TMPRSS3: variants seen among roughly 807,000 people sequenced by gnomAD.
TMPRSS3 encodes the protein transmembrane protease serine 3.
In TMPRSS3, 55 loss-of-function variants were observed where a neutral mutation model predicts 59.6. The ratio of observed to expected loss-of-function variants is 0.92; its 90% confidence interval spans 0.74 to 1.16. The LOEUF (loss-of-function observed/expected upper bound fraction) is 1.16, where lower values mean the gene tolerates loss of function less well. Ranked by LOEUF, TMPRSS3 falls within the 50% of genes most tolerant of loss-of-function variation. The pLI is 0.00. For synonymous variants in TMPRSS3, 257 were observed against 237.7 expected, an observed-to-expected ratio of 1.08 and a Z score of -0.75; for missense variants, 596 against 579.4, an observed-to-expected ratio of 1.03 and a Z score of -0.29.
chr21:42,389,266 C>A, intron 3 of TMPRSS3: 1 of 844,864 alleles, frequency 1.2e-6, no homozygotes, highest in Non-Finnish European at 1.8e-6. Flanking sequence ...TGTGGCCTGG[C>A]CCAGGAACCA....
intron 10 of TMPRSS3, among the ~76,000 whole-genome samples, chr21:42,379,428 G>A (rs1343636917): frequency 6.6e-6 from 1 of 152,170 alleles, no homozygotes; most frequent in African/African-American, 2.4e-5. Context: ...CTCCCAAAAT[G>A]CTGGGACTAC....
intron 12 of TMPRSS3, among the ~76,000 whole-genome samples, chr21:42,373,424 C>T (rs938805136): frequency 1.1e-4 from 17 of 152,294 alleles, no homozygotes; most frequent in Admixed American, 4.6e-4. Flanking sequence ...CAGGCATCGC[C>T]GGAGCCAGCG....
At chr21:42,395,771 T>C (rs113845276) in intron 1 of TMPRSS3, 171 bp downstream of exon 1, 339 of 394,854 alleles carry the variant, frequency 8.6e-4, no homozygotes, top group African/African-American at 6.4e-3. Context: ...TTAGAGGGAC[T>C]CCCTCTCACC....
intron 6 of TMPRSS3, among the ~76,000 whole-genome samples, 160 bp from the exon 7 acceptor site, chr21:42,384,173 A>G (rs547247677): frequency 6.8e-6 from 1 of 146,014 alleles, no homozygotes; most frequent in South Asian, 2.2e-4. Flanking sequence ...AAAAAAAACC[A>G]TGAGGATGAG....
In TMPRSS3 at chr21:42,378,497, T is replaced by C. The variant is rs565731627; in HGVS notation, c.1048+1620A>G. 3.6e-3 allele frequency among the ~76,000 whole-genome samples: 541 copies of C among 152,264 alleles called. 4 individuals carry two copies. The highest frequency in any genetic ancestry group is 0.012 in the African/African-American group (515 of 41,534). ...CCCTAAATCCAACGACTTGCTGTCC[T>C]TATAAGACACAGGAGAGGGAAGTTT... On this transcript the variant is annotated intron_variant, in intron 10 of 12. Transcript: ENST00000644384.
At chr21:42,394,591 C>T (rs1010531398) in intron 2 of TMPRSS3, among the ~76,000 whole-genome samples, 2 of 152,152 alleles carry the variant, frequency 1.3e-5, no homozygotes, top group African/African-American at 4.8e-5. Context: ...CCTTTCCAAA[C>T]CTCCTCCAAG....
At chr21:42,383,542 C>G (rs1246438218) in intron 7 of TMPRSS3, 2 of 513,370 alleles carry the variant, frequency 3.9e-6, no homozygotes, top group South Asian at 2.0e-5. Context: ...GCAGCCCCCT[C>G]CTCACTGCCG....
chr21:42,387,917 C>T (rs1358373560), intron 5 of TMPRSS3, among the ~76,000 whole-genome samples: 1 of 152,234 alleles, frequency 6.6e-6, no homozygotes, highest in East Asian at 1.9e-4. Context: ...CTTTGTTCTA[C>T]ATGTTGCTAA....
At chr21:42,393,594 G>A (rs1459973621) in intron 2 of TMPRSS3, among the ~76,000 whole-genome samples, 2 of 152,180 alleles carry the variant, frequency 1.3e-5, no homozygotes, top group Non-Finnish European at 2.9e-5. Context: ...AAAAGAACGG[G>A]TGAAATAACA....
intron 6 of TMPRSS3, among the ~76,000 whole-genome samples, chr21:42,384,758 T>A (rs1006596069): frequency 1.3e-5 from 2 of 152,124 alleles, no homozygotes; most frequent in Non-Finnish European, 2.9e-5. Context: ...AAAATGCACA[T>A]CTTAGGGTTT....
chr21:42,394,110 A>G (rs1413415839), intron 2 of TMPRSS3, among the ~76,000 whole-genome samples: 2 of 152,180 alleles, frequency 1.3e-5, no homozygotes, highest in African/African-American at 4.8e-5. Flanking sequence ...TATTTTCTAA[A>G]TTGTTCTTCT....
intron 2 of TMPRSS3, among the ~76,000 whole-genome samples, chr21:42,394,759 T>G (rs1300403949): frequency 2.0e-5 from 3 of 152,098 alleles, no homozygotes; most frequent in African/African-American, 7.2e-5. Flanking sequence ...ACCCCACAGC[T>G]CCCTTTGACC....
chr21:42,395,669 C>CAAAA (rs138713556), intron 1 of TMPRSS3: 284 of 243,270 alleles, frequency 1.2e-3, no homozygotes, highest in South Asian at 1.7e-3. Flanking sequence ...CTAGAATTAG[C>CAAAA]AAAAAAAAAA....
intron 1 of TMPRSS3, 162 bp from the exon 2 acceptor site, chr21:42,395,630 C>A: frequency 2.0e-6 from 1 of 489,710 alleles, no homozygotes; most frequent in Non-Finnish European, 3.8e-6. Context: ...GCATTTTCGT[C>A]TGAGCTACAG....
At chr21:42,394,547 T>C (rs1160142057) in intron 2 of TMPRSS3, among the ~76,000 whole-genome samples, 2 of 152,192 alleles carry the variant, frequency 1.3e-5, no homozygotes, top group East Asian at 1.9e-4. Flanking sequence ...GTGTGTCTTT[T>C]CAGTTACTTG....
intron 10 of TMPRSS3, among the ~76,000 whole-genome samples, chr21:42,378,489 T>G (rs1207523855): frequency 6.6e-6 from 1 of 152,128 alleles, no homozygotes; most frequent in Non-Finnish European, 1.5e-5. Flanking sequence ...TCCAACGACT[T>G]GCTGTCCTTA....
intron 8 of TMPRSS3, chr21:42,382,595 T>C (rs1041238365): frequency 2.6e-6 from 1 of 390,650 alleles, no homozygotes; most frequent in Non-Finnish European, 4.8e-6. Flanking sequence ...GGAAGTCTTT[T>C]CTGTAGTTTT....
chr21:42,386,377 G>A lies in TMPRSS3; in HGVS notation c.447-843C>T, dbSNP rs116023677. On this transcript the variant is annotated intron_variant, in intron 5 of 12. Transcript: ENST00000644384. Reference sequence around the variant, plus strand: ...TTGAGGAAAATGTAATCAAGGCGGCGGGCACGACCTTCGCAGCCCTTCCAG... The same window carrying A: ...TTGAGGAAAATGTAATCAAGGCGGCAGGCACGACCTTCGCAGCCCTTCCAG... 6.1e-3 allele frequency among the ~76,000 whole-genome samples: 934 copies of A among 152,304 alleles called. 7 individuals are homozygous for A. Among genetic ancestry groups the A allele is most frequent in the African/African-American group, 0.02 (850 of 41,560 alleles).
At position 42,388,532 on chromosome 21, in the gene TMPRSS3, C is replaced by T. The variant is rs374793617; in HGVS notation, c.323-6G>A. On this transcript the variant is annotated splice_region_variant and splice_polypyrimidine_tract_variant and intron_variant, in intron 4 of 12. Coordinates refer to ENST00000644384, the MANE Select transcript of TMPRSS3 (RefSeq NM_001256317.3). This position sits in a 1 kb window ranked among gnomAD's most constrained non-coding sequence, Gnocchi z 5.1. ...ATTCTGACCACCCACCCGGACTGGC[C>T]GATGTGCAGAAAGAAAGGCTTATTA... 4.0e-5 allele frequency: 64 copies of T among 1,614,122 alleles called. No individual in the cohort carries two copies. The highest frequency in any genetic ancestry group is 2.7e-4 in the South Asian group (25 of 91,080).
Sources: gnomAD v4.1 joint callset for allele counts (sites outside exome capture counted in the v4.1 genomes callset) on GRCh38, gnomAD v4.1.1 for gene constraint, Gnocchi (gnomAD v3.1) non-coding constraint, MANE v1.5 for transcripts, NCBI Gene and HGNC (gene_info 2026-07-23, HGNC 2026-07-21) for gene names.